Variants in GRIA3 observed in about 807,000 individuals in gnomAD.
The protein encoded by GRIA3 is glutamate ionotropic receptor AMPA type subunit 3, also known as glutamate receptor 3.
A neutral mutation model predicts 63.0 loss-of-function variants in GRIA3; 3 were observed. The ratio of observed to expected loss-of-function variants is 0.05; its 90% CI spans 0.02 to 0.12. GRIA3 has a LOEUF of 0.12. GRIA3 is among the 10% of genes least tolerant of loss of function. The probability of loss-of-function intolerance (pLI) is 1.00; values close to 1 mark genes in which losing one functional copy is unlikely to be tolerated. For synonymous variants in GRIA3, 274 were observed against 257.9 expected (o/e 1.06, Z -0.60); for missense variants, 347 against 700.9 (o/e 0.50, Z 5.70).
At chrX:123,262,562 C>G (rs929753898) in intron 3 of GRIA3, among the ~76,000 whole-genome samples, 1 of 112,240 alleles carries the variant, frequency 8.9e-6, no homozygotes, top group Non-Finnish European at 1.9e-5. Context: ...TATTGAGTGT[C>G]TCTTACTATG....
intron 12 of GRIA3, among the ~76,000 whole-genome samples, chrX:123,436,305 T>C (rs1283580166): frequency 2.8e-5 from 3 of 107,684 alleles, no homozygotes; most frequent in Non-Finnish European, 5.6e-5. Context: ...TGGGTTTGTT[T>C]TTTGTTTTTG....
chrX:123,255,119 G>C (rs868120814), intron 3 of GRIA3, among the ~76,000 whole-genome samples: 4 of 112,047 alleles, frequency 3.6e-5, no homozygotes, highest in Admixed American at 1.9e-4. Context: ...ATCAAATTGA[G>C]TGCTACACTG....
rs1271388862 is a variant in GRIA3 at position 123,253,313 on chromosome X, G to T, written c.279G>T (p.Gln93His). 1.7e-6 allele frequency: 2 copies of T among 1,209,399 alleles called. No homozygotes were observed. Among genetic ancestry groups the T allele is most frequent in the Non-Finnish European group, 2.2e-6 (2 of 893,449 alleles). ...TTTTTCTCATTGCAGTCTGCTCCCA[G>T]TTCTCGAGAGGGGTGTATGCCATCT... Reference protein sequence around the residue: ...SFSVTNAFCSQFSRGVYAIFG... With the variant: ...SFSVTNAFCSHFSRGVYAIFG... Residue 93 changes from glutamine (Q) to histidine (H), a missense_variant, in exon 3 of 16, where the codon CAG (glutamine) becomes CAT (histidine). Around this residue, in one of 8 missense-constraint regions of GRIA3, gnomAD observed 29 missense variants for 69.4 expected, o/e 0.42. Coordinates refer to ENST00000620443, the MANE Select transcript of GRIA3 (RefSeq NM_007325.5).
At chrX:123,207,516 C>T (rs912414330) in intron 2 of GRIA3, among the ~76,000 whole-genome samples, 2 of 111,631 alleles carry the variant, frequency 1.8e-5, no homozygotes, top group Non-Finnish European at 3.8e-5. Context: ...CTATACCATT[C>T]TATAATGTGC....
At chrX:123,283,468 T>C (rs897604282) in intron 3 of GRIA3, among the ~76,000 whole-genome samples, 2 of 111,458 alleles carry the variant, frequency 1.8e-5, no homozygotes, top group Non-Finnish European at 3.8e-5. Flanking sequence ...CCCACCCTCA[T>C]GGAGCCCAGC....
intron 2 of GRIA3, among the ~76,000 whole-genome samples, chrX:123,197,252 A>G (rs2147251515): frequency 8.9e-6 from 1 of 112,199 alleles, no homozygotes; most frequent in East Asian, 2.8e-4. Context: ...TCCACTGGGC[A>G]TGGCAGCTCA....
chrX:123,277,208 C>T (rs1275337205), intron 3 of GRIA3, among the ~76,000 whole-genome samples: 1 of 110,781 alleles, frequency 9.0e-6, no homozygotes, highest in Non-Finnish European at 1.9e-5. Context: ...GAAATACGCA[C>T]ATCATGGAGA....
chrX:123,259,602 C>T (rs1408001553), intron 3 of GRIA3, among the ~76,000 whole-genome samples: 1 of 111,746 alleles, frequency 8.9e-6, no homozygotes, highest in African/African-American at 3.3e-5. Flanking sequence ...GTGATAAGAG[C>T]AACTGCCATT....
chrX:123,191,273 G>A (rs988352289), intron 2 of GRIA3, among the ~76,000 whole-genome samples: 6 of 112,336 alleles, frequency 5.3e-5, no homozygotes, highest in African/African-American at 1.9e-4. Context: ...GTTACTTTGG[G>A]TCTTATTAGA....
Position 123,184,522 on chromosome X carries a change from G to A in GRIA3, c.-14G>A. 8.5e-7 allele frequency: 1 copy of A among 1,177,746 alleles called. No individual in the cohort carries two copies. Among genetic ancestry groups the A allele is most frequent in the Non-Finnish European group, 1.2e-6 (1 of 864,840 alleles). ...TTGCGCCCATGCTCTTGTCAGCTTC[G>A]TTTTAGGCGTAGCATGGCCAGGCAG... is the stretch of plus-strand genomic sequence containing the variant. On this transcript the variant is annotated 5_prime_UTR_variant, in exon 1 of 16. Transcript: ENST00000620443.
chrX:123,489,724 T>C lies in GRIA3; in HGVS notation c.*1014T>C, dbSNP rs2045959486. On this transcript the variant is annotated 3_prime_UTR_variant, in exon 16 of 16. Coordinates refer to ENST00000620443, the MANE Select transcript of GRIA3 (RefSeq NM_007325.5). ...TTAGCTCGGCTTTCTCTGCTAAGTA[T>C]GCCTTTCAAGTGTACACCACGGAGA... 8.9e-6 allele frequency: 1 copy of C among 112,361 alleles called. No homozygotes were observed. Among genetic ancestry groups the C allele is most frequent in the Admixed American group, 9.4e-5 (1 of 10,592 alleles). The allele number at this position is 112,361 out of a possible 1,213,427, so 9.3% of individuals were successfully genotyped here.
chrX:123,395,085 C>T lies in GRIA3; in HGVS notation c.868C>T (p.Leu290=). Residue 290 remains leucine, a synonymous_variant, in exon 6 of 16, where the codon CTG becomes TTG. Transcript: ENST00000620443. ...GCAGTTCATACAGCGCTGGGTGAGG[C>T]TGGATGAAAGGGAATTCCCTGAAGC... ...VQQFIQRWVR[L]DEREFPEAKN... is the part of the protein sequence containing the mutation. 1 of 1,208,853 alleles carries T rather than the reference C, an allele frequency of 8.3e-7. No homozygotes were observed. The highest frequency in any genetic ancestry group is 2.2e-5 in the Admixed American group (1 of 46,021).
intron 3 of GRIA3, among the ~76,000 whole-genome samples, chrX:123,263,089 G>A (rs1178487037): frequency 8.9e-6 from 1 of 112,341 alleles, no homozygotes; most frequent in East Asian, 2.8e-4. Context: ...AACTAATCCT[G>A]TAGCAAAAGT....
chrX:123,405,319 C>A (rs1284241337), intron 10 of GRIA3, among the ~76,000 whole-genome samples: 1 of 111,455 alleles, frequency 9.0e-6, no homozygotes, highest in African/African-American at 3.3e-5. Context: ...CCTATGAATT[C>A]TACTTTTAAG....
intron 12 of GRIA3, among the ~76,000 whole-genome samples, chrX:123,463,625 AAAGAAAG>A (rs2045810798): frequency 5.8e-5 from 2 of 34,357 alleles, no homozygotes; most frequent in Admixed American, 6.8e-4. Flanking sequence ...AGAAAGAAAG[AAAGAAAG>A]AAAGAAAGAA....
intron 3 of GRIA3, among the ~76,000 whole-genome samples, chrX:123,301,846 T>C (rs1420904887): frequency 5.4e-5 from 6 of 111,925 alleles, no homozygotes; most frequent in African/African-American, 1.9e-4. Context: ...CCCACACAAG[T>C]ATTAGGCAAT....
At chrX:123,225,952 A>G (rs751735302) in intron 2 of GRIA3, among the ~76,000 whole-genome samples, 6 of 111,862 alleles carry the variant, frequency 5.4e-5, no homozygotes, top group Non-Finnish European at 9.4e-5. Context: ...ATTATCTTTC[A>G]CAGTGAACCC....
intron 5 of GRIA3, among the ~76,000 whole-genome samples, chrX:123,394,276 C>T (rs1397337767): frequency 9.0e-6 from 1 of 110,935 alleles, no homozygotes; most frequent in East Asian, 2.8e-4. Flanking sequence ...GCACGAGAAT[C>T]GCTTGAACCC....
chrX:123,239,215 G>A (rs745842820), intron 2 of GRIA3, among the ~76,000 whole-genome samples: 2 of 109,588 alleles, frequency 1.8e-5, no homozygotes, highest in East Asian at 5.8e-4. Flanking sequence ...TCCCCAACTG[G>A]AGAGTCATTC....
Sources: allele counts gnomAD v4.1 joint callset (sites outside exome capture counted in the v4.1 genomes callset), GRCh38; gene constraint gnomAD v4.1.1; regional missense constraint gnomAD v4.1.1; transcripts MANE v1.5; gene names NCBI Gene and HGNC (gene_info 2026-07-23, HGNC 2026-07-21).